The following NEK10 variants were observed in gnomAD, a reference collection of about 807,000 sequenced individuals.
The protein encoded by NEK10 is NIMA related kinase 10.
In NEK10, 122 loss-of-function variants were observed where a neutral mutation model predicts 159.8. That is an observed-to-expected ratio of 0.76 (90% confidence interval 0.66 to 0.89). The LOEUF (loss-of-function observed/expected upper bound fraction) is 0.89. Among genes scored for constraint, NEK10 ranks in the 40% least tolerant of loss-of-function variants. The probability of loss-of-function intolerance (pLI) is 0.00; values close to 1 mark genes in which losing one functional copy is unlikely to be tolerated. For synonymous variants in NEK10, 466 were observed against 457.1 expected, an observed-to-expected ratio of 1.02 and a Z score of -0.25; for missense variants, 1,342 against 1,323.1, an observed-to-expected ratio of 1.01 and a Z score of -0.22.
intron 29 of NEK10, 81 bp from the exon 30 acceptor site, chr3:27,162,819 C>T: frequency 6.3e-7 from 1 of 1,583,616 alleles, no homozygotes; most frequent in Non-Finnish European, 8.6e-7. Flanking sequence ...TTGCTATGGT[C>T]TACATTATAA....
intron 1 of NEK10, among the ~76,000 whole-genome samples, chr3:27,365,704 C>T (rs1306316815): frequency 6.9e-6 from 1 of 144,726 alleles, no homozygotes; most frequent in Non-Finnish European, 1.5e-5. Context: ...CCTCCTCCTC[C>T]CAGCTTCAAG....
At chr3:27,193,099 C>A (rs1949253934) in intron 25 of NEK10, among the ~76,000 whole-genome samples, 2 of 152,154 alleles carry the variant, frequency 1.3e-5, no homozygotes, top group African/African-American at 4.8e-5. Context: ...GTGAAGTGCA[C>A]ATGCATTGTA....
At chr3:27,193,770 C>A (rs139337174) in intron 25 of NEK10, among the ~76,000 whole-genome samples, 2,256 of 152,058 alleles carry the variant, frequency 0.015, 29 homozygotes, top group Middle Eastern at 0.041. Flanking sequence ...TTTGTACATT[C>A]TTTTTGCACC....
At chr3:27,335,544 T>G (rs1216691914) in intron 5 of NEK10, among the ~76,000 whole-genome samples, 1 of 152,140 alleles carries the variant, frequency 6.6e-6, no homozygotes, top group Non-Finnish European at 1.5e-5. Flanking sequence ...ATCCAACAAC[T>G]CAACAACTGC....
chr3:27,341,056 T>A (rs762592957), intron 5 of NEK10, among the ~76,000 whole-genome samples: 6 of 152,150 alleles, frequency 3.9e-5, no homozygotes, highest in Non-Finnish European at 5.9e-5. Context: ...GCAACATGGA[T>A]GGAACTGGAA....
chr3:27,215,991 G>A, intron 23 of NEK10: 1 of 462,672 alleles, frequency 2.2e-6, no homozygotes, highest in Non-Finnish European at 3.9e-6. Flanking sequence ...CTAACATACG[G>A]GATTAAAATT....
At chr3:27,119,932 T>C in intron 32 of NEK10, 64 bp from the exon 33 acceptor site, 1 of 1,224,714 alleles carries the variant, frequency 8.2e-7, no homozygotes, top group Non-Finnish European at 1.2e-6. Flanking sequence ...AGGAGACCTC[T>C]GTGTGGGGTT....
intron 22 of NEK10, among the ~76,000 whole-genome samples, chr3:27,267,511 A>C (rs1320010971): frequency 6.6e-6 from 1 of 152,128 alleles, no homozygotes; most frequent in African/African-American, 2.4e-5. Context: ...TAATTCTCAT[A>C]ATATTTCAAA....
In NEK10 at chr3:27,304,799, C is replaced by T. The variant is rs374741552; in HGVS notation, c.976G>A (p.Val326Met). The change falls in exon 12 of 36, where the codon GTG (valine) becomes ATG (methionine). Residue 326 changes from valine (V) to methionine (M), a missense_variant. Physicochemically the swap from Val to Met is conservative, Grantham distance 21. Transcript: ENST00000691995. The stretch of plus-strand genomic sequence containing the variant: ...ATGCCTCCCCAAATGCGAATTTCCA[C>T]GCTGGTCTCAGGGTCCTCACAAACC... ...VQVCEDPETS[V>M]EIRIWGGIKQ... 3.3e-5 allele frequency: 53 copies of T among 1,613,920 alleles called. No individual in the cohort carries two copies. The highest frequency in any genetic ancestry group is 5.3e-5 in the African/African-American group (4 of 75,038).
At chr3:27,189,875 C>A (rs1026180177) in intron 26 of NEK10, among the ~76,000 whole-genome samples, 2 of 152,072 alleles carry the variant, frequency 1.3e-5, no homozygotes, top group Non-Finnish European at 2.9e-5. Flanking sequence ...TAAAGCATTT[C>A]TCTATGGTCC....
chr3:27,315,092 G>T (rs1024986198), intron 6 of NEK10, among the ~76,000 whole-genome samples: 1 of 152,214 alleles, frequency 6.6e-6, no homozygotes, highest in African/African-American at 2.4e-5. Context: ...TCTTAGGTTA[G>T]CCACATTGTC....
chr3:27,251,046 C>G (rs979004636), intron 23 of NEK10, among the ~76,000 whole-genome samples: 2 of 152,118 alleles, frequency 1.3e-5, no homozygotes, highest in Non-Finnish European at 2.9e-5. Context: ...ATATGCCAGC[C>G]AGGCACTGTT....
intron 33 of NEK10, among the ~76,000 whole-genome samples, chr3:27,119,318 C>T (rs1940949877): frequency 6.6e-6 from 1 of 152,196 alleles, no homozygotes; most frequent in Non-Finnish European, 1.5e-5. Context: ...CTATGCTATA[C>T]TGCCTCCCTA....
At chr3:27,352,404 G>A in intron 3 of NEK10, 61 bp downstream of exon 3, 2 of 1,032,420 alleles carry the variant, frequency 1.9e-6, no homozygotes, top group Non-Finnish European at 3.1e-6. Context: ...GTTAAATGGA[G>A]CCCTTTGGAA....
chr3:27,275,621 C>T (rs2041713087), intron 22 of NEK10, among the ~76,000 whole-genome samples: 1 of 152,130 alleles, frequency 6.6e-6, no homozygotes, highest in African/African-American at 2.4e-5. Context: ...GTCGACAGAC[C>T]TACAAAAACC....
chr3:27,323,489 A>G (rs550099820), intron 5 of NEK10, among the ~76,000 whole-genome samples: 12 of 152,298 alleles, frequency 7.9e-5, no homozygotes, highest in Admixed American at 7.8e-4. Flanking sequence ...ATACTACCCT[A>G]CAGTTCTATA....
chr3:27,159,935 T>C (rs954108297), intron 30 of NEK10, among the ~76,000 whole-genome samples: 1 of 151,022 alleles, frequency 6.6e-6, no homozygotes. Context: ...ACTAGATATA[T>C]TCCTGGGGAA....
At chr3:27,120,495 G>T (rs1321309958) in intron 32 of NEK10, among the ~76,000 whole-genome samples, 2 of 122,096 alleles carry the variant, frequency 1.6e-5, no homozygotes, top group Admixed American at 1.7e-4. Flanking sequence ...GCTAATTTTT[G>T]TATTTTTTTT....
At chr3:27,140,740 G>A (rs987750349) in intron 31 of NEK10, among the ~76,000 whole-genome samples, 8 of 152,098 alleles carry the variant, frequency 5.3e-5, no homozygotes, top group Admixed American at 2.0e-4. Context: ...TGTTTTGCTC[G>A]TGGATGTATC....
Sources: gnomAD v4.1 joint callset for allele counts (sites outside exome capture counted in the v4.1 genomes callset) on GRCh38, gnomAD v4.1.1 for gene constraint, MANE v1.5 for transcripts, NCBI Gene and HGNC (gene_info 2026-07-23, HGNC 2026-07-21) for gene names.